Variants in PLCB1 observed in about 807,000 individuals in gnomAD.
The protein encoded by PLCB1 is 1-phosphatidylinositol 4,5-bisphosphate phosphodiesterase beta-1.
A neutral mutation model predicts 161.8 loss-of-function variants in PLCB1; 46 were observed. The observed-to-expected ratio is 0.28, with a 90% confidence interval of 0.22 to 0.36. The LOEUF (loss-of-function observed/expected upper bound fraction) is 0.36, where lower values mean the gene tolerates loss of function less well. PLCB1 is among the 10% of genes least tolerant of loss of function. The pLI is 1.00. For missense variants in PLCB1, 1,016 were observed against 1,472.5 expected, an observed-to-expected ratio of 0.69 and a Z score of 5.07; for synonymous variants, 517 against 503.7, an observed-to-expected ratio of 1.03 and a Z score of -0.35.
intron 24 of PLCB1, 64 bp downstream of exon 24, chr20:8,757,242 C>G: frequency 3.3e-6 from 5 of 1,509,656 alleles, no homozygotes; most frequent in Non-Finnish European, 4.5e-6. Flanking sequence ...GTGCCACTGA[C>G]GGAGGCGCTG....
At chr20:8,405,753 A>G (rs927912371) in intron 3 of PLCB1, among the ~76,000 whole-genome samples, 1 of 152,166 alleles carries the variant, frequency 6.6e-6, no homozygotes, top group Non-Finnish European at 1.5e-5. Context: ...ATTAAACTAC[A>G]TAAACTTCAA....
In PLCB1 at chr20:8,788,400, C is replaced by A. The variant is rs554753714; in HGVS notation, c.3112-49C>A. 7.1e-6 allele frequency: 11 copies of A among 1,544,018 alleles called. 1 individual carries two copies. In the South Asian group the frequency reaches 1.0e-4, roughly 15 times the overall value. On this transcript the variant is annotated intron_variant, in intron 27 of 31. Transcript: ENST00000338037. ...TTGTTTGAGGGAGGTGGGAAGGAAG[C>A]TCTGTTTGCAATCATTTGAAATAGC...
intron 2 of PLCB1, among the ~76,000 whole-genome samples, chr20:8,154,773 G>A (rs2051542735): frequency 6.6e-6 from 1 of 151,896 alleles, no homozygotes; most frequent in African/African-American, 2.4e-5. Flanking sequence ...GCCCTTGTGT[G>A]GACAGTTCTC....
At chr20:8,270,919 A>G (rs530924688) in intron 2 of PLCB1, among the ~76,000 whole-genome samples, 1 of 152,244 alleles carries the variant, frequency 6.6e-6, no homozygotes, top group African/African-American at 2.4e-5. Flanking sequence ...CCTCAATCCC[A>G]TCTTGTACCC....
intron 2 of PLCB1, among the ~76,000 whole-genome samples, chr20:8,263,645 A>G (rs1183795700): frequency 6.6e-6 from 1 of 152,228 alleles, no homozygotes; most frequent in Admixed American, 6.5e-5. Context: ...TATTGCTCCT[A>G]GGTACAAACT....
chr20:8,443,974 T>C (rs1980686985), intron 3 of PLCB1, among the ~76,000 whole-genome samples: 1 of 152,170 alleles, frequency 6.6e-6, no homozygotes, highest in African/African-American at 2.4e-5. Flanking sequence ...ACTTTTTTCC[T>C]CATTAAAGTC....
chr20:8,391,011 A>T (rs997485012), intron 3 of PLCB1, among the ~76,000 whole-genome samples: 1 of 151,878 alleles, frequency 6.6e-6, no homozygotes, highest in African/African-American at 2.4e-5. Flanking sequence ...GTCTAAATGC[A>T]TTTTGCCATC....
chr20:8,545,606 A>G (rs1216443052), intron 3 of PLCB1, among the ~76,000 whole-genome samples: 2 of 152,242 alleles, frequency 1.3e-5, no homozygotes, highest in Non-Finnish European at 2.9e-5. Flanking sequence ...ATGAATATAA[A>G]TAACATTGTA....
chr20:8,174,559 C>T (rs2051763792), intron 2 of PLCB1, among the ~76,000 whole-genome samples: 1 of 152,078 alleles, frequency 6.6e-6, no homozygotes. Context: ...TGTGTGCAAG[C>T]AATAGACCAT....
chr20:8,643,565 A>T (rs1405924124), intron 4 of PLCB1, among the ~76,000 whole-genome samples: 1 of 152,092 alleles, frequency 6.6e-6, no homozygotes, highest in Non-Finnish European at 1.5e-5. Flanking sequence ...TCAGGAAGCA[A>T]AAAAAAGACA....
rs1320145037 is a variant in PLCB1 at position 8,608,802 on chromosome 20, C to T, written c.247-19492C>T. 3.3e-5 allele frequency among the ~76,000 whole-genome samples: 5 copies of T among 152,152 alleles called. No individual in the cohort carries two copies. The East Asian group carries it at 9.7e-4, about 29-fold the overall frequency. ...ATATTAGAGGTAATTATTTGGGTTC[C>T]AGATAGAGCTTTATTTTAATTATAG... is the stretch of plus-strand genomic sequence containing the variant. On this transcript the variant is annotated intron_variant, in intron 3 of 31. Coordinates refer to ENST00000338037, the MANE Select transcript of PLCB1 (RefSeq NM_015192.4).
At chr20:8,442,444 G>A (rs916357188) in intron 3 of PLCB1, among the ~76,000 whole-genome samples, 8 of 152,288 alleles carry the variant, frequency 5.3e-5, no homozygotes, top group African/African-American at 1.2e-4. Flanking sequence ...ATCTTTGAGA[G>A]AGGAGCCCTC....
chr20:8,657,870 A>T (rs150140259), intron 8 of PLCB1, among the ~76,000 whole-genome samples: 2 of 152,166 alleles, frequency 1.3e-5, no homozygotes, highest in African/African-American at 4.8e-5. Context: ...CAGAAAATCA[A>T]TACAAAATGT....
At chr20:8,183,839 T>G (rs2051872909) in intron 2 of PLCB1, among the ~76,000 whole-genome samples, 1 of 152,186 alleles carries the variant, frequency 6.6e-6, no homozygotes, top group Non-Finnish European at 1.5e-5. Context: ...GTTATCTTAT[T>G]TGCAGCCACT....
At chr20:8,254,494 C>G (rs933689187) in intron 2 of PLCB1, among the ~76,000 whole-genome samples, 1 of 151,874 alleles carries the variant, frequency 6.6e-6, no homozygotes, top group African/African-American at 2.4e-5. Flanking sequence ...TACGAAGACA[C>G]TGGTAACATG....
intron 3 of PLCB1, among the ~76,000 whole-genome samples, chr20:8,468,303 A>G (rs1301100390): frequency 3.3e-5 from 5 of 152,186 alleles, no homozygotes; most frequent in Non-Finnish European, 7.4e-5. Context: ...GCATTTTACT[A>G]TATGTATGTT....
intron 2 of PLCB1, among the ~76,000 whole-genome samples, chr20:8,344,290 G>A (rs1311103432): frequency 1.3e-5 from 2 of 152,174 alleles, no homozygotes; most frequent in African/African-American, 4.8e-5. Context: ...CCCGAGAGAT[G>A]GATTTTGTGG....
At chr20:8,233,138 C>T (rs1312441377) in intron 2 of PLCB1, among the ~76,000 whole-genome samples, 10 of 152,196 alleles carry the variant, frequency 6.6e-5, no homozygotes, top group South Asian at 2.1e-4. Context: ...ATCACAAAAC[C>T]GTGAAGCTTT....
chr20:8,233,380 A>G (rs1357419448), intron 2 of PLCB1, among the ~76,000 whole-genome samples: 1 of 152,150 alleles, frequency 6.6e-6, no homozygotes, highest in East Asian at 1.9e-4. Context: ...TTTTAGTAAC[A>G]GTGTACTGTG....
Sources: gnomAD v4.1 joint callset for allele counts (sites outside exome capture counted in the v4.1 genomes callset) on GRCh38, gnomAD v4.1.1 for gene constraint, MANE v1.5 for transcripts, NCBI Gene and HGNC (gene_info 2026-07-23, HGNC 2026-07-21) for gene names.